MTCL1: variants seen among roughly 807,000 people sequenced by gnomAD.
The protein encoded by MTCL1 is microtubule cross-linking factor 1.
A neutral mutation model predicts 141.4 loss-of-function variants in MTCL1; 79 were observed. The observed-to-expected ratio is 0.56, with a 90% confidence interval of 0.47 to 0.67. The LOEUF is 0.67. Among genes scored for constraint, MTCL1 ranks in the 30% least tolerant of loss-of-function variants. The pLI is 0.00. For missense variants in MTCL1, 2,177 were observed against 2,113.9 expected, an observed-to-expected ratio of 1.03 and a Z score of -0.59; for synonymous variants, 914 against 875.8, an observed-to-expected ratio of 1.04 and a Z score of -0.77.
At chr18:8,722,282 GA>G (rs1252029547) in intron 4 of MTCL1, among the ~76,000 whole-genome samples, 1 of 152,166 alleles carries the variant, frequency 6.6e-6, no homozygotes, top group Non-Finnish European at 1.5e-5. Context: ...CTGTGCAGTT[GA>G]AAATCTGTGC....
chr18:8,721,979 G>T (rs867587888), intron 4 of MTCL1, among the ~76,000 whole-genome samples: 4 of 152,168 alleles, frequency 2.6e-5, no homozygotes, highest in Admixed American at 6.5e-5. Flanking sequence ...TGGCCTCCCA[G>T]AGGAAGAGGT....
intron 3 of MTCL1, chr18:8,720,059 TG>T (rs1255758466): frequency 1.9e-5 from 6 of 314,952 alleles, no homozygotes; most frequent in African/African-American, 4.3e-5. Flanking sequence ...TTTAGCAGTT[TG>T]GGGGGGTTGG....
At chr18:8,706,344 T>C in exon 1 of MTCL1, 5 of 1,230,190 alleles carry the variant, frequency 4.1e-6, no homozygotes, top group Non-Finnish European at 3.0e-6. Context: ...GCCTGCTCCC[T>C]GCCGCCAGCA....
chr18:8,803,811 TC>T (rs960971183), intron 10 of MTCL1, among the ~76,000 whole-genome samples: 2 of 152,218 alleles, frequency 1.3e-5, no homozygotes, highest in Non-Finnish European at 2.9e-5. Context: ...TTTATTGAAT[TC>T]AGTATCTGTT....
At chr18:8,728,468 C>T (rs1357082423) in intron 4 of MTCL1, among the ~76,000 whole-genome samples, 1 of 152,092 alleles carries the variant, frequency 6.6e-6, no homozygotes, top group East Asian at 1.9e-4. Context: ...GCTAATCTGT[C>T]TTCCTGATGA....
intron 4 of MTCL1, among the ~76,000 whole-genome samples, chr18:8,775,425 A>AAAAAAAAAAAAAAAC: frequency 6.6e-6 from 1 of 151,044 alleles, no homozygotes; most frequent in Non-Finnish European, 1.5e-5. Context: ...AAAAAAAAAA[A>AAAAAAAAAAAAAAAC]AGCTGCGCAT....
chr18:8,759,129 T>G (rs1373373550), intron 4 of MTCL1, among the ~76,000 whole-genome samples: 1 of 152,238 alleles, frequency 6.6e-6, no homozygotes, highest in African/African-American at 2.4e-5. Flanking sequence ...AGTCTTCGTG[T>G]GGAAAGACTT....
upstream of MTCL1, among the ~76,000 whole-genome samples, chr18:8,714,881 C>T (rs958219079): frequency 2.0e-5 from 3 of 152,080 alleles, no homozygotes; most frequent in African/African-American, 7.3e-5. Context: ...ACTGCAAGCT[C>T]CACCTCCCGG....
chr18:8,798,037 C>T, intron 9 of MTCL1, 60 bp from the exon 9 acceptor site: 1 of 1,488,094 alleles, frequency 6.7e-7, no homozygotes, highest in Non-Finnish European at 9.0e-7. Flanking sequence ...CAGTGAAAAT[C>T]AGGCTGTACA....
intron 7 of MTCL1, chr18:8,786,558 T>G (rs2096556710): frequency 5.6e-6 from 2 of 359,862 alleles, no homozygotes; most frequent in African/African-American, 4.3e-5. Flanking sequence ...GTTGGTAGAA[T>G]CAGGGAGGCT....
At chr18:8,788,315 T>C (rs976841718) in intron 7 of MTCL1, among the ~76,000 whole-genome samples, 5 of 152,296 alleles carry the variant, frequency 3.3e-5, no homozygotes, top group Admixed American at 6.5e-5. Context: ...ACTCTACCTG[T>C]GTGGATCCCC....
intron 4 of MTCL1, among the ~76,000 whole-genome samples, chr18:8,729,673 AATATAT>A (rs3051533): frequency 4.0e-4 from 53 of 131,456 alleles, no homozygotes; most frequent in Middle Eastern, 3.9e-3. Flanking sequence ...CAAGAAGACA[AATATAT>A]ATATATATAT....
intron 4 of MTCL1, among the ~76,000 whole-genome samples, chr18:8,733,694 C>T (rs1201343797): frequency 6.6e-6 from 1 of 152,190 alleles, no homozygotes; most frequent in African/African-American, 2.4e-5. Flanking sequence ...GCGTGAGCCA[C>T]TGTGCTTGGC....
intron 1 of MTCL1, among the ~76,000 whole-genome samples, chr18:8,710,476 T>C (rs2096082126): frequency 1.3e-5 from 2 of 148,970 alleles, no homozygotes; most frequent in Non-Finnish European, 3.0e-5. Flanking sequence ...TTTTTTTTTT[T>C]TTCTCTTTAA....
At chr18:8,832,683 A>G (rs2077217903) in exon 17 of MTCL1, 1 of 152,242 alleles carries the variant, frequency 6.6e-6, no homozygotes, top group Non-Finnish European at 1.5e-5. Context: ...AAACACTACA[A>G]AAAGTCACAA....
intron 4 of MTCL1, among the ~76,000 whole-genome samples, chr18:8,769,293 G>A (rs145457918): frequency 1.3e-5 from 2 of 152,198 alleles, no homozygotes; most frequent in East Asian, 3.9e-4. Context: ...CACAGAGTTG[G>A]GATTCTTGCA....
chr18:8,755,599 A>G (rs1356133499), intron 4 of MTCL1, among the ~76,000 whole-genome samples: 1 of 151,988 alleles, frequency 6.6e-6, no homozygotes, highest in African/African-American at 2.4e-5. Context: ...GTTCCAGGAC[A>G]TCTCTCGGGT....
rs2076441992 is a variant in MTCL1, at chr18:8,810,330, C to T, written c.2605-2649C>T. 1 of 152,398 alleles carries T rather than the reference C, an allele frequency of 6.6e-6. No individual in the cohort carries two copies. Among genetic ancestry groups the T allele is most frequent in the Admixed American group, 6.5e-5 (1 of 15,278 alleles). 9.4% of individuals were successfully genotyped at this position (152,398 alleles called of 1,614,324 possible). Reference sequence around the variant, plus strand: ...TCATGGGGACGCCTGTCCAGTGAGACCTGACAGTGCAGGGCCACTGATGAC... The same window carrying T: ...TCATGGGGACGCCTGTCCAGTGAGATCTGACAGTGCAGGGCCACTGATGAC... On this transcript the variant is annotated intron_variant, in intron 11 of 16. Coordinates refer to ENST00000359865, the Ensembl canonical transcript of MTCL1. The surrounding 1 kb of genome is among the most constrained non-coding windows in gnomAD (Gnocchi z 5.0).
At chr18:8,777,812 T>C (rs775611131) in intron 4 of MTCL1, 21 bp from the exon 4 acceptor site, 2 of 1,613,080 alleles carry the variant, frequency 1.2e-6, no homozygotes, top group Admixed American at 3.3e-5. Context: ...GGTCACAGAA[T>C]GTCACTTGGA....
Sources: allele counts gnomAD v4.1 joint callset (sites outside exome capture counted in the v4.1 genomes callset), GRCh38; gene constraint gnomAD v4.1.1; non-coding constraint Gnocchi (gnomAD v3.1); transcripts MANE v1.5; gene names NCBI Gene and HGNC (gene_info 2026-07-23, HGNC 2026-07-21).